The following TMEM217B variants were observed in gnomAD, a reference collection of about 807,000 sequenced individuals.
TMEM217B encodes putative transmembrane protein 217B.
chr6:37,229,157 T>A, the TMEM217B span, among the ~76,000 whole-genome samples: 2 of 151,152 alleles, frequency 1.3e-5, no homozygotes, highest in African/African-American at 4.9e-5. Context: ...AAGAGGGAGG[T>A]GTATTTGTAT....
the TMEM217B span, among the ~76,000 whole-genome samples, chr6:37,249,412 C>T: frequency 6.6e-6 from 1 of 152,168 alleles, no homozygotes. Flanking sequence ...CTCCACTTTC[C>T]AGGTTCAAGC....
the TMEM217B span, among the ~76,000 whole-genome samples, chr6:37,224,255 A>C: frequency 1.3e-5 from 2 of 150,782 alleles, no homozygotes; most frequent in African/African-American, 4.9e-5. Flanking sequence ...TCAGCCTTTT[A>C]ACTAGCTGGG....
chr6:37,234,502 C>A, the TMEM217B span, among the ~76,000 whole-genome samples: 1 of 152,086 alleles, frequency 6.6e-6, no homozygotes, highest in African/African-American at 2.4e-5. Flanking sequence ...AAGTTGTAAT[C>A]TTGATATAGC....
the TMEM217B span, among the ~76,000 whole-genome samples, chr6:37,244,798 C>G: frequency 6.6e-6 from 1 of 152,210 alleles, no homozygotes; most frequent in South Asian, 2.1e-4. Flanking sequence ...GAGCTGATCT[C>G]AGCTGGACTC....
At chr6:37,235,743 C>T in the TMEM217B span, among the ~76,000 whole-genome samples, 6 of 152,162 alleles carry the variant, frequency 3.9e-5, no homozygotes, top group African/African-American at 1.4e-4. Context: ...GAGGACTGCT[C>T]TCTGCTTCCA....
chr6:37,215,351 C>A, the TMEM217B span: 2 of 1,535,770 alleles, frequency 1.3e-6, no homozygotes, highest in Non-Finnish European at 8.8e-7. Context: ...TTGAGGCAGG[C>A]GGATCACGAG....
At chr6:37,244,970 A>G in the TMEM217B span, among the ~76,000 whole-genome samples, 10 of 152,294 alleles carry the variant, frequency 6.6e-5, no homozygotes, top group South Asian at 1.7e-3. Context: ...GTTTTTCATC[A>G]TCCAGCAGGC....
chr6:37,251,551 A>G, the TMEM217B span, among the ~76,000 whole-genome samples: 1 of 152,256 alleles, frequency 6.6e-6, no homozygotes, highest in Non-Finnish European at 1.5e-5. Context: ...TGAGTGAAAA[A>G]GCCAGTTGCT....
chr6:37,245,294 T>G, the TMEM217B span, among the ~76,000 whole-genome samples: 1 of 152,228 alleles, frequency 6.6e-6, no homozygotes, highest in Non-Finnish European at 1.5e-5. Context: ...TAATGAGCAT[T>G]TGACTCCATA....
At chr6:37,232,075 C>T in the TMEM217B span, among the ~76,000 whole-genome samples, 1 of 151,990 alleles carries the variant, frequency 6.6e-6, no homozygotes, top group African/African-American at 2.4e-5. Context: ...GAGGTATTTT[C>T]TTTTTTGCTT....
At chr6:37,218,845 G>A in the TMEM217B span, 1 of 1,614,200 alleles carries the variant, frequency 6.2e-7, no homozygotes, top group South Asian at 1.1e-5. Context: ...TAAAACTCCA[G>A]CAGATGATGA....
the TMEM217B span, among the ~76,000 whole-genome samples, chr6:37,226,672 C>T: frequency 6.6e-6 from 1 of 152,104 alleles, no homozygotes; most frequent in African/African-American, 2.4e-5. Flanking sequence ...AGCGATTCTC[C>T]TGCCTCAGCC....
the TMEM217B span, chr6:37,217,855 A>G: frequency 1.0e-6 from 1 of 985,604 alleles, no homozygotes; most frequent in Non-Finnish European, 1.2e-6. Flanking sequence ...CCCTACTGCA[A>G]TTCAGCTTCA....
At chr6:37,239,053 CT>C in the TMEM217B span, among the ~76,000 whole-genome samples, 2 of 152,164 alleles carry the variant, frequency 1.3e-5, no homozygotes, top group South Asian at 4.1e-4. Flanking sequence ...TCACTTGAAC[CT>C]AAGAGGTGGA....
the TMEM217B span, chr6:37,213,123 G>T: frequency 6.0e-6 from 4 of 664,256 alleles, no homozygotes; most frequent in East Asian, 1.1e-4. Flanking sequence ...GCAATAGGCT[G>T]GAAGTTAAGG....
At chr6:37,216,731 C>T in the TMEM217B span, among the ~76,000 whole-genome samples, 1 of 152,094 alleles carries the variant, frequency 6.6e-6, no homozygotes, top group Non-Finnish European at 1.5e-5. Context: ...CCTAATGCAA[C>T]AGCATTAAAA....
At chr6:37,229,335 GTTT>G in the TMEM217B span, among the ~76,000 whole-genome samples, 7 of 74,368 alleles carry the variant, frequency 9.4e-5, no homozygotes, top group Non-Finnish European at 1.2e-4. Flanking sequence ...GCAACTTTCA[GTTT>G]TTTTTTTTTT....
At chr6:37,212,664 G>A in the TMEM217B span, 2 of 579,254 alleles carry the variant, frequency 3.5e-6, no homozygotes, top group Non-Finnish European at 6.5e-6. Flanking sequence ...GCAGGACTAT[G>A]GAGAAGTTGA....
At chr6:37,234,685 G>A in the TMEM217B span, among the ~76,000 whole-genome samples, 14 of 151,992 alleles carry the variant, frequency 9.2e-5, no homozygotes, top group Non-Finnish European at 1.8e-4. Flanking sequence ...GCACTGAGCC[G>A]AGATGGTGCC....
Sources: allele counts gnomAD v4.1 joint callset (sites outside exome capture counted in the v4.1 genomes callset), GRCh38; gene constraint gnomAD v4.1.1; transcripts MANE v1.5; gene names NCBI Gene and HGNC (gene_info 2026-07-23, HGNC 2026-07-21).